ITPR1: variants seen among roughly 807,000 people sequenced by gnomAD.
The protein encoded by ITPR1 is inositol 1,4,5-trisphosphate receptor type 1.
ITPR1 carries 96 observed loss-of-function variants against 318.4 expected under a neutral mutation model. The observed-to-expected ratio is 0.30, with a 90% CI of 0.26 to 0.36. The LOEUF (loss-of-function observed/expected upper bound fraction) is 0.36. Ranked by LOEUF, ITPR1 falls within the 10% of genes least tolerant of loss-of-function variation. The probability of loss-of-function intolerance (pLI) is 1.00; values close to 1 mark genes in which losing one functional copy is unlikely to be tolerated. For missense variants in ITPR1, 2,440 were observed against 3,460.2 expected, an observed-to-expected ratio of 0.71 and a Z score of 7.40; for synonymous variants, 1,312 against 1,289.9, an observed-to-expected ratio of 1.02 and a Z score of -0.37.
At chr3:4,800,133 G>C (rs188941358) in intron 53 of ITPR1, 151 of 414,572 alleles carry the variant, frequency 3.6e-4, no homozygotes, top group Non-Finnish European at 6.0e-4. Context: ...ACATGTTTTT[G>C]TGGGGAGGAA....
intron 2 of ITPR1, among the ~76,000 whole-genome samples, chr3:4,503,187 G>T (rs765477763): frequency 1.3e-5 from 2 of 152,142 alleles, no homozygotes; most frequent in Non-Finnish European, 2.9e-5. Context: ...GTGTTGTTCA[G>T]TACAAATCTC....
chr3:4,736,701 T>C (rs1011618302), intron 44 of ITPR1, among the ~76,000 whole-genome samples: 2 of 152,226 alleles, frequency 1.3e-5, no homozygotes, highest in Non-Finnish European at 2.9e-5. Context: ...GGGTGGGTCC[T>C]GCAGTCCTTC....
rs372360558 is a variant in ITPR1 at position 4,721,742 on chromosome 3, T to C, written c.5137-3804T>C. Reference sequence around the variant, plus strand: ...AGAGACATCCCATTTCAAAGGAAAATTCTAGAAGCCCCAGGGTAGGAAGGG... The same window carrying C: ...AGAGACATCCCATTTCAAAGGAAAACTCTAGAAGCCCCAGGGTAGGAAGGG... On this transcript the variant is annotated intron_variant, in intron 40 of 61. Transcript: ENST00000649015. Among the ~76,000 whole-genome samples the C allele has an allele frequency of 1.5e-4, 23 of 152,128 alleles. 1 individual carries two copies. The highest frequency in any genetic ancestry group is 5.8e-4 in the East Asian group (3 of 5,200).
chr3:4,758,123 G>A (rs2045147815), intron 44 of ITPR1, among the ~76,000 whole-genome samples: 1 of 152,208 alleles, frequency 6.6e-6, no homozygotes. Flanking sequence ...TCATTCTGCA[G>A]CAGGTAAGTG....
At chr3:4,764,030 C>A (rs2045639740) in intron 44 of ITPR1, among the ~76,000 whole-genome samples, 1 of 152,224 alleles carries the variant, frequency 6.6e-6, no homozygotes, top group Non-Finnish European at 1.5e-5. Flanking sequence ...GCGAATGGCC[C>A]TGCACGGCCA....
chr3:4,508,455 GTTT>G (rs4054897), intron 2 of ITPR1, among the ~76,000 whole-genome samples: 4 of 125,736 alleles, frequency 3.2e-5, no homozygotes, highest in South Asian at 2.7e-4. Context: ...GAAAATCAAG[GTTT>G]TTTTTTTTTT....
chr3:4,661,220 G>T (rs2093825970), intron 14 of ITPR1, 133 bp downstream of exon 14: 2 of 536,140 alleles, frequency 3.7e-6, no homozygotes, highest in Non-Finnish European at 3.4e-6. Context: ...GGCCGAACTT[G>T]AATGTGACAA....
At position 4,562,114 on chromosome 3, in the gene ITPR1, C is replaced by CA. The variant is rs113963832; in HGVS notation, c.163+41030dup. Among the ~76,000 whole-genome samples, 277 of 106,494 alleles carry CA rather than the reference C, an allele frequency of 2.6e-3. 1 individual carries two copies. The highest frequency in any genetic ancestry group is 0.025 in the Middle Eastern group (5 of 204). 69.9% of individuals were successfully genotyped at this position (106,494 alleles called of 152,430 possible). On this transcript the variant is annotated intron_variant, in intron 4 of 61. Coordinates refer to ENST00000649015, the MANE Select transcript of ITPR1 (RefSeq NM_001378452.1). ...AAATAAATAAATAAATAAATAAATGCAAAAAAAAAATCTCATAATGTTTTA... is the reference window on the plus strand; with the variant it reads ...AAATAAATAAATAAATAAATAAATGCAAAAAAAAAAATCTCATAATGTTTTA...
At position 4,794,318 on chromosome 3, in the gene ITPR1, C is replaced by G. The variant is rs116505360; in HGVS notation, c.6809-747C>G. 2.5e-3 allele frequency among the ~76,000 whole-genome samples: 381 copies of G among 152,300 alleles called. 1 individual carries two copies. Among genetic ancestry groups the G allele is most frequent in the Admixed American group, 5.8e-3 (88 of 15,304 alleles). On this transcript the variant is annotated intron_variant, in intron 52 of 61. Transcript: ENST00000649015. ...CGGTGGATTAAGGTGGCAGCAATGT[C>G]CAAAGCGTCTCTGTCTCTTGCCCCT...
At chr3:4,820,596 C>G (rs1296844540) in intron 60 of ITPR1, among the ~76,000 whole-genome samples, 1 of 152,244 alleles carries the variant, frequency 6.6e-6, no homozygotes, top group African/African-American at 2.4e-5. Context: ...GTTTGGTGTG[C>G]TTTCTCCATC....
At chr3:4,509,893 A>G (rs1575354319) in intron 2 of ITPR1, among the ~76,000 whole-genome samples, 1 of 152,246 alleles carries the variant, frequency 6.6e-6, no homozygotes, top group African/African-American at 2.4e-5. Context: ...TATCCCAGGT[A>G]CTACCAGGTA....
intron 39 of ITPR1, among the ~76,000 whole-genome samples, chr3:4,713,264 G>C (rs879919705): frequency 4.9e-4 from 75 of 152,170 alleles, no homozygotes; most frequent in African/African-American, 1.8e-3. Flanking sequence ...ATCCACCAAA[G>C]CTGAGTGAAT....
At chr3:4,624,445 G>C (rs921113354) in intron 4 of ITPR1, among the ~76,000 whole-genome samples, 28 of 152,124 alleles carry the variant, frequency 1.8e-4, no homozygotes, top group Non-Finnish European at 4.1e-4. Context: ...AAGGTGGGTG[G>C]ATCACTTGAG....
In ITPR1 at chr3:4,725,574, C is replaced by T; in HGVS notation, c.5165C>T (p.Ala1722Val). 6.3e-7 allele frequency: 1 copy of T among 1,599,158 alleles called. No individual in the cohort carries two copies. The highest frequency in any genetic ancestry group is 1.1e-5 in the South Asian group (1 of 91,066). Residue 1722 changes from alanine (A) to valine (V), a missense_variant, in exon 41 of 62, where the codon GCC becomes GTC. Physicochemically the swap from Ala to Val is moderately conservative, Grantham distance 64. Transcript: ENST00000649015. ...ELPPAPDSEN[A>V]TEELEPSPPL... The stretch of plus-strand genomic sequence containing the variant: ...CCTCCAGCTCCGGATTCTGAGAACG[C>T]CACTGAGGTGTGTTGCCCGCCTATA...
chr3:4,797,022 GA>G (rs1295569833), intron 53 of ITPR1, among the ~76,000 whole-genome samples: 7 of 152,164 alleles, frequency 4.6e-5, no homozygotes, highest in East Asian at 3.9e-4. Flanking sequence ...GGTGCATTCT[GA>G]ATGAGCCACC....
At chr3:4,625,723 A>T (rs2092804369) in intron 4 of ITPR1, among the ~76,000 whole-genome samples, 1 of 151,210 alleles carries the variant, frequency 6.6e-6, no homozygotes. Context: ...CGCCCGGCTA[A>T]TTTTTTGTAT....
rs962356107 is a variant in ITPR1 at position 4,806,669 on chromosome 3, C to T, written c.7272+402C>T. On this transcript the variant is annotated intron_variant, in intron 55 of 61. Transcript: ENST00000649015. ...TCAGGGAGTCCATTTCTTGTGAACA[C>T]GTGTAGCGACCATAAGAGTAGGAGC... Among the ~76,000 whole-genome samples the T allele has an allele frequency of 4.6e-5, 7 of 152,124 alleles. No individual in the cohort carries two copies. In the East Asian group the frequency reaches 5.8e-4, roughly 13 times the overall value.
At chr3:4,794,281 A>G (rs1346903220) in intron 52 of ITPR1, among the ~76,000 whole-genome samples, 1 of 152,138 alleles carries the variant, frequency 6.6e-6, no homozygotes, top group Non-Finnish European at 1.5e-5. Flanking sequence ...GCGTGGGATA[A>G]CCTGTGGGCA....
intron 42 of ITPR1, among the ~76,000 whole-genome samples, chr3:4,728,862 A>T (rs146130244): frequency 3.9e-4 from 59 of 152,316 alleles, no homozygotes; most frequent in African/African-American, 1.4e-3. Flanking sequence ...TTGCTCTGAT[A>T]GAGACATCAA....
Sources: gnomAD v4.1 joint callset for allele counts (sites outside exome capture counted in the v4.1 genomes callset) on GRCh38, gnomAD v4.1.1 for gene constraint, MANE v1.5 for transcripts, NCBI Gene and HGNC (gene_info 2026-07-23, HGNC 2026-07-21) for gene names.